Variants in ACSM2B observed in about 807,000 individuals in gnomAD.
ACSM2B encodes acyl-coenzyme A synthetase ACSM2B, mitochondrial.
ACSM2B carries 58 observed loss-of-function variants against 78.6 expected under a neutral mutation model. The observed-to-expected ratio is 0.74, with a 90% CI of 0.60 to 0.92. The LOEUF (loss-of-function observed/expected upper bound fraction) is 0.92, where lower values mean the gene tolerates loss of function less well. ACSM2B is among the 40% of genes least tolerant of loss of function. ACSM2B has a pLI of 0.00. For synonymous variants in ACSM2B, 257 were observed against 256.8 expected, an observed-to-expected ratio of 1.00 and a Z score of -0.01; for missense variants, 688 against 711.2, an observed-to-expected ratio of 0.97 and a Z score of 0.37.
At chr16:20,570,055 T>G (rs1472286114) in intron 1 of ACSM2B, among the ~76,000 whole-genome samples, 1 of 151,904 alleles carries the variant, frequency 6.6e-6, no homozygotes, top group Non-Finnish European at 1.5e-5. Flanking sequence ...ATTTATTTCT[T>G]TCTCTTGTCT....
intron 6 of ACSM2B, chr16:20,549,627 T>G (rs2015242258): frequency 6.5e-6 from 2 of 307,748 alleles, no homozygotes; most frequent in Admixed American, 8.9e-5. Flanking sequence ...TTGAAGAGAT[T>G]TATTCTGAGC....
intron 5 of ACSM2B, among the ~76,000 whole-genome samples, chr16:20,553,407 A>G (rs9925574): frequency 0.024 from 3,698 of 152,256 alleles, 160 homozygotes; most frequent in African/African-American, 0.086. Flanking sequence ...TTGCAAAGTA[A>G]TTTGCTGCCG....
At chr16:20,562,766 A>C (rs1204135970) in intron 2 of ACSM2B, among the ~76,000 whole-genome samples, 3 of 152,162 alleles carry the variant, frequency 2.0e-5, no homozygotes, top group Non-Finnish European at 4.4e-5. Flanking sequence ...GGAGTCATGT[A>C]ACCAGAAGTC....
At chr16:20,542,662 A>G (rs1035740430) in intron 12 of ACSM2B, 2 of 489,458 alleles carry the variant, frequency 4.1e-6, no homozygotes, top group African/African-American at 3.9e-5. Flanking sequence ...TAGTTTTTTG[A>G]GAAATCACCA....
At chr16:20,540,436 T>C (rs1264135391) in intron 13 of ACSM2B, among the ~76,000 whole-genome samples, 2 of 152,054 alleles carry the variant, frequency 1.3e-5, no homozygotes, top group South Asian at 2.1e-4. Context: ...AGAGACGGGG[T>C]TTCACCATTT....
At chr16:20,563,259 T>C (rs2015720668) in intron 2 of ACSM2B, among the ~76,000 whole-genome samples, 1 of 152,168 alleles carries the variant, frequency 6.6e-6, no homozygotes, top group African/African-American at 2.4e-5. Flanking sequence ...GGGTGAGAAT[T>C]TTTTATATTT....
At position 20,564,671 on chromosome 16, in the gene ACSM2B, T is replaced by G. The variant is rs764437957; in HGVS notation, c.175A>C (p.Lys59Gln). 1 of 1,613,668 alleles carries G rather than the reference T, an allele frequency of 6.2e-7. No individual in the cohort carries two copies. Among genetic ancestry groups the G allele is most frequent in the East Asian group, 2.2e-5 (1 of 44,874 alleles). Reference protein sequence around the residue: ...DVLDHWADMEKAGKRLPSPAL... With the variant: ...DVLDHWADMEQAGKRLPSPAL... ...GTGCCTCTTTTCCATCCCATTACCTTCTCCATGTCAGCCCAGTGATCCAAC... is the reference window on the plus strand; with the variant it reads ...GTGCCTCTTTTCCATCCCATTACCTGCTCCATGTCAGCCCAGTGATCCAAC... Residue 59 changes from lysine to glutamine, a missense_variant and splice_region_variant, in exon 2 of 14, where the codon AAG becomes CAG. Lys to Gln is a moderately conservative substitution (Grantham distance 53). Coordinates refer to ENST00000329697, the MANE Select transcript of ACSM2B (RefSeq NM_001105069.2).
intron 5 of ACSM2B, among the ~76,000 whole-genome samples, chr16:20,552,732 C>T (rs560259647): frequency 6.6e-6 from 1 of 152,288 alleles, no homozygotes; most frequent in African/African-American, 2.4e-5. Flanking sequence ...CTGCAAATTG[C>T]CCATAAAGCT....
intron 1 of ACSM2B, chr16:20,574,595 G>A (rs1479486543): frequency 1.3e-5 from 2 of 151,170 alleles, no homozygotes; most frequent in Non-Finnish European, 2.9e-5. Flanking sequence ...CACAATTTAT[G>A]TTCTTCTGCC....
chr16:20,575,688 C>T (rs2016229746), intron 1 of ACSM2B: 2 of 148,194 alleles, frequency 1.3e-5, no homozygotes, highest in East Asian at 2.4e-4. Context: ...ATGTTAATCT[C>T]TTTTGACAAC....
chr16:20,555,987 G>T (rs2152139754), intron 3 of ACSM2B, among the ~76,000 whole-genome samples: 1 of 152,132 alleles, frequency 6.6e-6, no homozygotes, highest in Middle Eastern at 3.4e-3. Context: ...AAGTATAGTT[G>T]TATATATTTA....
intron 3 of ACSM2B, among the ~76,000 whole-genome samples, chr16:20,556,787 T>C (rs767670951): frequency 6.6e-6 from 1 of 152,090 alleles, no homozygotes; most frequent in African/African-American, 2.4e-5. Flanking sequence ...ACCATGGTGG[T>C]CAATTGAGAC....
chr16:20,567,193 A>G (rs1396832510), intron 1 of ACSM2B, among the ~76,000 whole-genome samples: 6 of 132,924 alleles, frequency 4.5e-5, no homozygotes, highest in African/African-American at 1.7e-4. Flanking sequence ...ATAACATATT[A>G]TACTATTATA....
intron 2 of ACSM2B, 99 bp from the exon 3 acceptor site, chr16:20,559,546 T>C (rs2015584072): frequency 2.1e-6 from 3 of 1,450,808 alleles, no homozygotes; most frequent in Admixed American, 2.4e-5. Flanking sequence ...CTTAGTAAGG[T>C]TTTTTATCTC....
intron 2 of ACSM2B, among the ~76,000 whole-genome samples, chr16:20,561,562 C>G (rs1166535013): frequency 6.6e-6 from 1 of 151,930 alleles, no homozygotes; most frequent in Non-Finnish European, 1.5e-5. Context: ...CAGGCCCTAC[C>G]TCCAACTCTG....
chr16:20,556,591 G>A (rs1167377266), intron 3 of ACSM2B, among the ~76,000 whole-genome samples: 1 of 152,178 alleles, frequency 6.6e-6, no homozygotes, highest in Non-Finnish European at 1.5e-5. Flanking sequence ...TACAGAGGGA[G>A]ACTCCATCTC....
rs1475458546 is a variant in ACSM2B at position 20,562,466 on chromosome 16, C to T, written c.177+2203G>A. Among the ~76,000 whole-genome samples the T allele has an allele frequency of 2.0e-5, 3 of 152,148 alleles. No homozygotes were observed. In the East Asian group the frequency reaches 5.8e-4, roughly 29 times the overall value. On this transcript the variant is annotated intron_variant, in intron 2 of 13. Transcript: ENST00000329697. ...ATGAGAGTGTCTGTTTCCTCACAGC[C>T]TTGCTAATAGAGTTGTTAAAACTTT...
chr16:20,575,002 C>T (rs1420051746), intron 1 of ACSM2B, among the ~76,000 whole-genome samples: 1 of 148,992 alleles, frequency 6.7e-6, no homozygotes, highest in Admixed American at 6.6e-5. Context: ...AACTCCTTGC[C>T]TCTCATGAGC....
chr16:20,548,332 G>A (rs1383460743), intron 7 of ACSM2B, 62 bp downstream of exon 7: 2 of 1,607,872 alleles, frequency 1.2e-6, no homozygotes, highest in South Asian at 1.1e-5. Context: ...AGGCATGAAT[G>A]TATGTGAGGG....
Sources: allele counts gnomAD v4.1 joint callset (sites outside exome capture counted in the v4.1 genomes callset), GRCh38; gene constraint gnomAD v4.1.1; transcripts MANE v1.5; gene names NCBI Gene and HGNC (gene_info 2026-07-23, HGNC 2026-07-21).